Variants in TBC1D8 observed in about 807,000 individuals in gnomAD.
The protein encoded by TBC1D8 is BUB2-like protein 1.
A neutral mutation model predicts 118.8 loss-of-function variants in TBC1D8; 65 were observed. The ratio of observed to expected loss-of-function variants is 0.55; its 90% CI spans 0.45 to 0.67. The LOEUF (loss-of-function observed/expected upper bound fraction) is 0.67, where lower values mean the gene tolerates loss of function less well. Ranked by LOEUF, TBC1D8 falls within the 30% of genes least tolerant of loss-of-function variation. TBC1D8 has a pLI of 0.00. For missense variants in TBC1D8, 1,376 were observed against 1,471.2 expected (o/e 0.94, Z 1.06); for synonymous variants, 566 against 595.8 (o/e 0.95, Z 0.73).
intron 17 of TBC1D8, among the ~76,000 whole-genome samples, chr2:101,014,180 CTT>C (rs1417897889): frequency 6.6e-6 from 1 of 150,828 alleles, no homozygotes; most frequent in African/African-American, 2.4e-5. Flanking sequence ...CTGAGGCAGT[CTT>C]TTAATTTCGC....
At chr2:101,036,258 G>A in intron 8 of TBC1D8, 90 bp from the exon 9 acceptor site, 1 of 1,486,236 alleles carries the variant, frequency 6.7e-7, no homozygotes, top group Non-Finnish European at 9.2e-7. Flanking sequence ...AGGAAGTACT[G>A]CCCCTGCTCT....
chr2:101,021,517 G>A (rs1680027677), intron 17 of TBC1D8, among the ~76,000 whole-genome samples, 164 bp downstream of exon 17: 2 of 152,132 alleles, frequency 1.3e-5, no homozygotes. Context: ...CCAGAGCTGT[G>A]CAGCACAGAA....
At chr2:101,100,538 A>C (rs1676759529) in intron 1 of TBC1D8, among the ~76,000 whole-genome samples, 1 of 152,220 alleles carries the variant, frequency 6.6e-6, no homozygotes, top group South Asian at 2.1e-4. Flanking sequence ...GAATCAAAGA[A>C]GACCCCATAT....
chr2:101,007,945 T>G lies in TBC1D8; in HGVS notation c.3344A>C (p.Asn1115Thr). Residue 1115 changes from asparagine to threonine, a missense_variant, in exon 20 of 20, where the codon AAC becomes ACC. By Grantham distance (65) the Asn-to-Thr change is moderately conservative. Coordinates refer to ENST00000409318, the MANE Select transcript of TBC1D8 (RefSeq NM_001330348.2). Reference sequence around the variant, plus strand: ...CATGTCCAGTGGCTTTTCAAAAAAGTTGACTAATGACTGTTCAGTCAGAAG... The same window carrying G: ...CATGTCCAGTGGCTTTTCAAAAAAGGTGACTAATGACTGTTCAGTCAGAAG... ...ASLLTEQSLV[N>T]FFEKPLDMKS... 1 of 1,614,024 alleles carries G rather than the reference T, an allele frequency of 6.2e-7. No homozygotes were observed. Among genetic ancestry groups the G allele is most frequent in the Non-Finnish European group, 8.5e-7 (1 of 1,179,898 alleles).
At chr2:101,098,602 C>G (rs1041935369) in intron 1 of TBC1D8, among the ~76,000 whole-genome samples, 1 of 152,112 alleles carries the variant, frequency 6.6e-6, no homozygotes, top group African/African-American at 2.4e-5. Context: ...TAAAATTGAC[C>G]ACATAATTGG....
chr2:101,074,061 T>G (rs984821345), intron 2 of TBC1D8, among the ~76,000 whole-genome samples: 1 of 152,262 alleles, frequency 6.6e-6, no homozygotes, highest in Non-Finnish European at 1.5e-5. Context: ...CCTATCTCAA[T>G]TTTTGATATG....
chr2:101,054,219 G>C lies in TBC1D8; in HGVS notation c.520C>G (p.Leu174Val). 3 of 1,611,624 alleles carry C rather than the reference G, an allele frequency of 1.9e-6. No individual in the cohort carries two copies. The East Asian group carries it at 6.7e-5, about 36-fold the overall frequency. ...CAGCAGCAGGAGTAGTAGGTGACCA[G>C]CTTCTCCGCCTCGGGGAAGTTGAAC... ...ARFNFPEAEK[L>V]VTYYSCCCWK... The change falls in exon 4 of 20, where the codon CTG becomes GTG. Residue 174 changes from leucine (L) to valine (V), a missense_variant. By Grantham distance (32) the Leu-to-Val change is conservative. Coordinates refer to ENST00000409318, the MANE Select transcript of TBC1D8 (RefSeq NM_001330348.2).
chr2:101,009,903 G>A (rs868603530), intron 19 of TBC1D8, among the ~76,000 whole-genome samples: 4 of 150,020 alleles, frequency 2.7e-5, no homozygotes, highest in Admixed American at 6.7e-5. Flanking sequence ...CTCACTGCAA[G>A]CTCCGCCTCC....
At chr2:101,050,204 G>A (rs1214453986) in intron 5 of TBC1D8, among the ~76,000 whole-genome samples, 197 bp downstream of exon 5, 1 of 152,178 alleles carries the variant, frequency 6.6e-6, no homozygotes, top group Non-Finnish European at 1.5e-5. Flanking sequence ...GAAGTCCACT[G>A]CATAAATGAA....
Position 101,018,885 on chromosome 2 carries a change from C to T in TBC1D8, c.2827+2796G>A, listed in dbSNP as rs141028064. ...TTAACTAAGCAAAATGGCCAATATC[C>T]GTAGGTTTATCAATCTGCAGTGAAA... On this transcript the variant is annotated intron_variant, in intron 17 of 19. Transcript: ENST00000409318. The T allele has an allele frequency of 1.7e-4, 240 of 1,390,944 alleles. 1 individual carries two copies. The East Asian group carries it at 2.9e-3, about 17-fold the overall frequency. 86.2% of individuals were successfully genotyped at this position (1,390,944 alleles called of 1,614,324 possible). A position where few individuals can be genotyped will look rare whatever the true frequency, so the allele number is the denominator to read the frequency against.
Position 101,020,224 on chromosome 2 carries a change from A to G in TBC1D8, c.2827+1457T>C, listed in dbSNP as rs761782996. 3.7e-4 allele frequency among the ~76,000 whole-genome samples: 57 copies of G among 152,200 alleles called. 2 individuals carry two copies. The highest frequency in any genetic ancestry group is 4.1e-4 in the South Asian group (2 of 4,830). On this transcript the variant is annotated intron_variant, in intron 17 of 19. Coordinates refer to ENST00000409318, the MANE Select transcript of TBC1D8 (RefSeq NM_001330348.2). ...TTCTATAAATCTAAAATTATTCCAA[A>G]ATAATGTTTGTTTTAAAACCAAGAT...
intron 2 of TBC1D8, among the ~76,000 whole-genome samples, chr2:101,088,958 GAA>G (rs77084733): frequency 6.6e-6 from 1 of 150,446 alleles, no homozygotes; most frequent in African/African-American, 2.4e-5. Flanking sequence ...AAAACAAACT[GAA>G]AAAAAAATGC....
chr2:101,150,626 G>A (rs933425454), intron 1 of TBC1D8, among the ~76,000 whole-genome samples: 1 of 152,220 alleles, frequency 6.6e-6, no homozygotes, highest in Non-Finnish European at 1.5e-5. Flanking sequence ...CGGGCGTGGA[G>A]ACAGTTCCCG....
At position 101,094,506 on chromosome 2, in the gene TBC1D8, T is replaced by G. The variant is rs187048387; in HGVS notation, c.128-4142A>C. ...TGGCACTTTCAACTACATTAAGAGA[T>G]CTGCTGTAGAACTCATATCTAGTTT... is the stretch of plus-strand genomic sequence containing the variant. On this transcript the variant is annotated intron_variant, in intron 1 of 19. Coordinates refer to ENST00000409318, the MANE Select transcript of TBC1D8 (RefSeq NM_001330348.2). Among the ~76,000 whole-genome samples, 89 of 152,280 alleles carry G rather than the reference T, an allele frequency of 5.8e-4. 1 individual carries two copies. The highest frequency in any genetic ancestry group is 2.1e-3 in the African/African-American group (87 of 41,550).
intron 1 of TBC1D8, among the ~76,000 whole-genome samples, chr2:101,137,118 C>T (rs1194169696): frequency 3.3e-5 from 5 of 151,716 alleles, no homozygotes; most frequent in Non-Finnish European, 5.9e-5. Context: ...TCACAACCTC[C>T]GCCTCCCAGG....
intron 2 of TBC1D8, among the ~76,000 whole-genome samples, chr2:101,069,361 CG>C (rs1210246844): frequency 6.6e-6 from 1 of 150,512 alleles, no homozygotes; most frequent in Admixed American, 6.6e-5. Context: ...CTGAGGTGGG[CG>C]GATCACCTAA....
In TBC1D8 at chr2:101,028,425, C is replaced by A; in HGVS notation, c.2230G>T (p.Asp744Tyr). Reference sequence around the variant, plus strand: ...GGGCTGTCCTCATTCTTAATGTGATCTAGAAACCTGAACACACCGCCCCGT... The same window carrying A: ...GGGCTGTCCTCATTCTTAATGTGATATAGAAACCTGAACACACCGCCCCGT... ...QALMILSRFL[D>Y]HIKNEDSPGP... Residue 744 changes from aspartate (D) to tyrosine (Y), a missense_variant, in exon 13 of 20, where the codon GAT becomes TAT. Coordinates refer to ENST00000409318, the MANE Select transcript of TBC1D8 (RefSeq NM_001330348.2). 1 of 1,573,868 alleles carries A rather than the reference C, an allele frequency of 6.4e-7. No individual in the cohort carries two copies. Among genetic ancestry groups the A allele is most frequent in the South Asian group, 1.2e-5 (1 of 84,970 alleles).
chr2:101,026,572 T>G (rs1424469625), intron 15 of TBC1D8, among the ~76,000 whole-genome samples: 2 of 152,144 alleles, frequency 1.3e-5, no homozygotes, highest in Admixed American at 6.5e-5. Context: ...GCTGGGAACC[T>G]GGGCTCAGGA....
intron 15 of TBC1D8, among the ~76,000 whole-genome samples, chr2:101,025,207 A>G (rs1331856103): frequency 7.1e-6 from 1 of 141,054 alleles, no homozygotes; most frequent in Non-Finnish European, 1.6e-5. Context: ...CGGGCACAAT[A>G]GGCCCTTTTT....
Sources: gnomAD v4.1 joint callset for allele counts (sites outside exome capture counted in the v4.1 genomes callset) on GRCh38, gnomAD v4.1.1 for gene constraint, MANE v1.5 for transcripts, NCBI Gene and HGNC (gene_info 2026-07-23, HGNC 2026-07-21) for gene names.